The following ANKS3 variants were observed in gnomAD, a reference collection of about 807,000 sequenced individuals.
ANKS3 encodes ankyrin repeat and sterile alpha motif domain containing 3.
A neutral mutation model predicts 80.7 loss-of-function variants in ANKS3; 62 were observed. That is an observed-to-expected ratio of 0.77 (90% CI 0.63 to 0.95). The LOEUF is 0.95. ANKS3 is among the 40% of genes least tolerant of loss of function. ANKS3 has a pLI of 0.00. For missense variants in ANKS3, 1,150 were observed against 883.6 expected (o/e 1.30, Z -3.82); for synonymous variants, 489 against 355.3 (o/e 1.38, Z -4.23).
Position 4,727,128 on chromosome 16 carries a change from T to A in ANKS3, c.220A>T (p.Met74Leu). Residue 74 changes from methionine (M) to leucine (L), a missense_variant, in exon 4 of 18, where the codon ATG becomes TTG. Met to Leu is a conservative substitution (Grantham distance 15). Transcript: ENST00000304283. ...TCGTGGCCAATGTAGGAGGCATACA[T>A]CAGCGGGGTCCAGCCACCACCATTC... ...KKNGGGWTPL[M>L]YASYIGHDTI... 6.8e-6 allele frequency: 11 copies of A among 1,614,170 alleles called. No homozygotes were observed. The highest frequency in any genetic ancestry group is 1.1e-5 in the South Asian group (1 of 91,084).
intron 2 of ANKS3, 68 bp from the exon 3 acceptor site, chr16:4,730,219 C>T: frequency 2.2e-6 from 3 of 1,382,230 alleles, no homozygotes; most frequent in Non-Finnish European, 2.8e-6. Context: ...ACAGGCTGGT[C>T]CTGCCCCTGC....
intron 8 of ANKS3, 93 bp from the exon 9 acceptor site, chr16:4,702,335 G>T: frequency 1.5e-6 from 2 of 1,313,654 alleles, no homozygotes; most frequent in Non-Finnish European, 9.9e-7. Flanking sequence ...TGACTTCCCA[G>T]TCATGACCTC....
At chr16:4,698,677 G>A in intron 13 of ANKS3, 78 bp from the exon 14 acceptor site, 1 of 1,526,184 alleles carries the variant, frequency 6.6e-7, no homozygotes, top group Non-Finnish European at 8.8e-7. Flanking sequence ...CCTGTCCTGT[G>A]TGTGGGGCCC....
Position 4,701,006 on chromosome 16 carries a change from G to A in ANKS3, c.1248C>T (p.Ser416=), listed in dbSNP as rs1326652269. Residue 416 remains serine, a synonymous_variant, in exon 11 of 18, where the codon AGC becomes AGT. Transcript: ENST00000304283. ...AGTAGGGGGCCCTCTGAGTCTGGGG[G>A]CTGGACTCAGCGAGAAAGCCTTCCC... ...TDREGFLAES[S]PQTQRAPYSG... The A allele has an allele frequency of 1.9e-6, 3 of 1,614,052 alleles. No homozygotes were observed. Among genetic ancestry groups the A allele is most frequent in the Non-Finnish European group, 8.5e-7 (1 of 1,179,996 alleles).
chr16:4,710,202 G>A (rs1254721280), intron 7 of ANKS3, among the ~76,000 whole-genome samples: 1 of 152,152 alleles, frequency 6.6e-6, no homozygotes, highest in Non-Finnish European at 1.5e-5. Context: ...GGTGTTCACA[G>A]TAGAGTGACT....
In ANKS3 at chr16:4,697,110, G is replaced by C; in HGVS notation, c.1895-6C>G. 1 of 1,613,122 alleles carries C rather than the reference G, an allele frequency of 6.2e-7. No individual in the cohort carries two copies. Among genetic ancestry groups the C allele is most frequent in the Non-Finnish European group, 8.5e-7 (1 of 1,179,640 alleles). On this transcript the variant is annotated splice_polypyrimidine_tract_variant and splice_region_variant and intron_variant, in intron 16 of 17. Coordinates refer to ENST00000304283, the MANE Select transcript of ANKS3 (RefSeq NM_133450.4). ...CACTAAGCACAGTGCTTGCCCTGAG[G>C]AATGATGACCTTGAGCCTCTCCCGG...
chr16:4,714,210 T>C, intron 6 of ANKS3, 24 bp from the exon 7 acceptor site: 2 of 1,612,308 alleles, frequency 1.2e-6, no homozygotes, highest in Non-Finnish European at 1.7e-6. Flanking sequence ...TGAAAGGGGG[T>C]TAGGGGCCTC....
chr16:4,711,908 G>A (rs138845222), intron 7 of ANKS3, among the ~76,000 whole-genome samples: 111 of 152,236 alleles, frequency 7.3e-4, no homozygotes, highest in African/African-American at 2.6e-3. Context: ...CCACCTCACA[G>A]AAAGAGACCA....
In ANKS3 at chr16:4,730,098, A is replaced by C. The variant is rs1394935710; in HGVS notation, c.52T>G (p.Leu18Val). Residue 18 changes from leucine to valine, a missense_variant, in exon 3 of 18, where the codon TTG becomes GTG. By Grantham distance (32) the Leu-to-Val change is conservative. Transcript: ENST00000304283. ...GTCCCGAGCCCGTGCCACATGGACA[A>C]GCTGCGGTTCAGGAGTTCCGGCTCG... Reference protein sequence around the residue: ...ASEPELLNRSLSMWHGLGTQV... With the variant: ...ASEPELLNRSVSMWHGLGTQV... The C allele has an allele frequency of 1.9e-6, 3 of 1,594,470 alleles. No individual in the cohort carries two copies. In the South Asian group the frequency reaches 3.4e-5, roughly 18 times the overall value.
In ANKS3 at chr16:4,727,133, G is replaced by C. The variant is rs756863326; in HGVS notation, c.215C>G (p.Pro72Arg). ...GCCAATGTAGGAGGCATACATCAGC[G>C]GGGTCCAGCCACCACCATTCTTCTT... ...LNKKNGGGWT[P>R]LMYASYIGHD... is the part of the protein sequence containing the mutation. Residue 72 changes from proline to arginine, a missense_variant, in exon 4 of 18, where the codon CCG (proline) becomes CGG (arginine). Physicochemically the swap from Pro to Arg is moderately radical, Grantham distance 103. Coordinates refer to ENST00000304283, the MANE Select transcript of ANKS3 (RefSeq NM_133450.4). 1.9e-6 allele frequency: 3 copies of C among 1,614,178 alleles called. No individual in the cohort carries two copies. The Admixed American group carries it at 5.0e-5, about 27-fold the overall frequency.
intron 7 of ANKS3, among the ~76,000 whole-genome samples, chr16:4,711,125 CAG>C (rs2080462312): frequency 9.7e-6 from 1 of 103,424 alleles, no homozygotes; most frequent in South Asian, 3.1e-4. Context: ...TTTTTTGAGA[CAG>C]AGTTTCGCTC....
At chr16:4,730,255 A>G in intron 2 of ANKS3, 104 bp from the exon 3 acceptor site, 1 of 1,162,048 alleles carries the variant, frequency 8.6e-7, no homozygotes, top group South Asian at 2.3e-5. Flanking sequence ...GCAGACTGAT[A>G]ACCCAGTGCA....
At chr16:4,698,260 G>A (rs1356106462) in intron 14 of ANKS3, 167 bp downstream of exon 14, 4 of 1,175,296 alleles carry the variant, frequency 3.4e-6, no homozygotes, top group East Asian at 2.6e-5. Flanking sequence ...ACTCCTGCCT[G>A]GGTCTGCCTG....
chr16:4,704,709 C>G (rs998544035), intron 8 of ANKS3, among the ~76,000 whole-genome samples: 3 of 152,204 alleles, frequency 2.0e-5, no homozygotes, highest in African/African-American at 7.2e-5. Flanking sequence ...AGCAGCGCAC[C>G]CGACCCAGCT....
At chr16:4,712,724 A>G (rs1283268971) in intron 7 of ANKS3, among the ~76,000 whole-genome samples, 1 of 152,202 alleles carries the variant, frequency 6.6e-6, no homozygotes, top group Non-Finnish European at 1.5e-5. Flanking sequence ...GTAACGTGGC[A>G]TTTCCACTAA....
At position 4,698,060 on chromosome 16, in the gene ANKS3, G is replaced by C; in HGVS notation, c.1727C>G (p.Ala576Gly). The C allele has an allele frequency of 2.5e-6, 4 of 1,606,612 alleles. No individual in the cohort carries two copies. The highest frequency in any genetic ancestry group is 3.4e-6 in the Non-Finnish European group (4 of 1,177,372). ...TCGAGATGACAGCTCAGCTTGACAG[G>C]CTCTGCCAGACACAGAAACAAATAT... The part of the protein sequence containing the change: ...DAALVLDQLR[A>G]CQAELSSRVR... The change falls in exon 15 of 18, where the codon GCC (alanine) becomes GGC (glycine). Residue 576 changes from alanine to glycine, a missense_variant and splice_region_variant. Coordinates refer to ENST00000304283, the MANE Select transcript of ANKS3 (RefSeq NM_133450.4).
At position 4,705,117 on chromosome 16, in the gene ANKS3, G is replaced by C; in HGVS notation, c.846C>G (p.Gly282=). ...CACCATAGCGAGGCCGTGGGGCTCTGCCGCCCAGGCCAATGCCTGTGATCC... is the reference window on the plus strand; with the variant it reads ...CACCATAGCGAGGCCGTGGGGCTCTCCCGCCCAGGCCAATGCCTGTGATCC... ...LARITGIGLG[G]RAPRPRYEQA... Residue 282 remains glycine (G), a synonymous_variant, in exon 8 of 18, where the codon GGC becomes GGG. Transcript: ENST00000304283. The C allele has an allele frequency of 1.2e-6, 2 of 1,612,848 alleles. No individual in the cohort carries two copies. The highest frequency in any genetic ancestry group is 1.3e-5 in the African/African-American group (1 of 75,046).
At chr16:4,707,528 C>T (rs774499316) in intron 7 of ANKS3, among the ~76,000 whole-genome samples, 27 of 152,012 alleles carry the variant, frequency 1.8e-4, no homozygotes, top group African/African-American at 5.3e-4. Flanking sequence ...GGGATCTGCC[C>T]GCCTTGGCCT....
intron 5 of ANKS3, 66 bp from the exon 6 acceptor site, chr16:4,724,897 C>T: frequency 1.4e-6 from 2 of 1,473,568 alleles, no homozygotes; most frequent in East Asian, 4.6e-5. Flanking sequence ...AAACTCCCTG[C>T]TGAAGATAAA....
Sources: allele counts gnomAD v4.1 joint callset (sites outside exome capture counted in the v4.1 genomes callset), GRCh38; gene constraint gnomAD v4.1.1; transcripts MANE v1.5; gene names NCBI Gene and HGNC (gene_info 2026-07-23, HGNC 2026-07-21).